STX8: variants seen among roughly 807,000 people sequenced by gnomAD.
STX8 encodes syntaxin-8.
In STX8, 23 loss-of-function variants were observed where a neutral mutation model predicts 37.5. That is an observed-to-expected ratio of 0.61 (90% CI 0.44 to 0.87). The LOEUF (loss-of-function observed/expected upper bound fraction) is 0.87. STX8 is among the 40% of genes least tolerant of loss of function. The probability of loss-of-function intolerance (pLI) is 0.00; values close to 1 mark genes in which losing one functional copy is unlikely to be tolerated. For synonymous variants in STX8, 115 were observed against 99.1 expected, an observed-to-expected ratio of 1.16 and a Z score of -0.95; for missense variants, 313 against 284.7, an observed-to-expected ratio of 1.10 and a Z score of -0.71.
chr17:9,403,958 T>C (rs1249127716), intron 6 of STX8, among the ~76,000 whole-genome samples: 2 of 152,096 alleles, frequency 1.3e-5, no homozygotes, highest in East Asian at 3.9e-4. Flanking sequence ...CATACAACTC[T>C]TTTGACTCCC....
chr17:9,575,665 A>G, intron 1 of STX8, 127 bp downstream of exon 1: 1 of 1,179,178 alleles, frequency 8.5e-7, no homozygotes, highest in Non-Finnish European at 1.2e-6. Flanking sequence ...AGTAAAGGAA[A>G]GGTCTCGCTG....
At chr17:9,303,771 A>G (rs1333455911) in intron 7 of STX8, among the ~76,000 whole-genome samples, 2 of 152,152 alleles carry the variant, frequency 1.3e-5, no homozygotes, top group East Asian at 1.9e-4. Context: ...AAAAACATAC[A>G]CTTCACACCA....
chr17:9,493,287 T>A (rs1253734105), intron 5 of STX8, among the ~76,000 whole-genome samples: 1 of 152,048 alleles, frequency 6.6e-6, no homozygotes, highest in East Asian at 1.9e-4. Flanking sequence ...AATTTGAAAA[T>A]TTTTTAAAAA....
intron 4 of STX8, among the ~76,000 whole-genome samples, chr17:9,538,937 G>A (rs998339952): frequency 4.6e-5 from 7 of 152,108 alleles, no homozygotes; most frequent in Admixed American, 2.0e-4. Context: ...TATAAAGGGC[G>A]GGAGGGTTTT....
intron 6 of STX8, among the ~76,000 whole-genome samples, chr17:9,442,523 C>T (rs1169228431): frequency 2.0e-5 from 3 of 152,210 alleles, no homozygotes; most frequent in Non-Finnish European, 4.4e-5. Context: ...TCTCCTGCCT[C>T]AGCCTCTCAA....
intron 2 of STX8, among the ~76,000 whole-genome samples, chr17:9,562,273 G>A (rs888856585): frequency 2.0e-5 from 3 of 151,984 alleles, no homozygotes; most frequent in Non-Finnish European, 4.4e-5. Context: ...GGGCATGGTG[G>A]CGGGCGCCTG....
intron 7 of STX8, among the ~76,000 whole-genome samples, chr17:9,287,074 C>T (rs919913456): frequency 6.6e-6 from 1 of 152,132 alleles, no homozygotes; most frequent in Admixed American, 6.6e-5. Context: ...TCCCCAAACT[C>T]TACTAGTGGG....
chr17:9,560,269 G>A (rs968808466), intron 2 of STX8, among the ~76,000 whole-genome samples: 8 of 151,282 alleles, frequency 5.3e-5, no homozygotes, highest in African/African-American at 1.2e-4. Flanking sequence ...ATGGTGGTGC[G>A]CACCTGTAAT....
At chr17:9,471,764 C>T (rs1010026988) in intron 6 of STX8, among the ~76,000 whole-genome samples, 5 of 152,126 alleles carry the variant, frequency 3.3e-5, no homozygotes, top group African/African-American at 1.2e-4. Context: ...ATTCTGTGCA[C>T]CCTGTGGGAT....
chr17:9,282,778 TC>T (rs1907936599), intron 7 of STX8, among the ~76,000 whole-genome samples: 2 of 152,218 alleles, frequency 1.3e-5, no homozygotes, highest in Non-Finnish European at 2.9e-5. Flanking sequence ...ATTGAGATTC[TC>T]CTGCTCACCT....
chr17:9,338,994 C>T (rs1910236539), intron 7 of STX8, among the ~76,000 whole-genome samples: 1 of 150,256 alleles, frequency 6.7e-6, no homozygotes, highest in Non-Finnish European at 1.5e-5. Context: ...TGGCGTGAAC[C>T]CGGGAAGCGG....
At position 9,568,393 on chromosome 17, in the gene STX8, C is replaced by T. The variant is rs776964201; in HGVS notation, c.95G>A (p.Arg32Lys). 5.0e-6 allele frequency: 8 copies of T among 1,611,710 alleles called. No homozygotes were observed. The highest frequency in any genetic ancestry group is 1.1e-5 in the South Asian group (1 of 90,924). ...TACCTTTGGTGCCTTTTCACCTTTT[C>T]TTTCATATTGATTTCGTTGTTGAAT... ...EKIQQRNQYE[R>K]KGEKAPKLTV... The change falls in exon 2 of 8, where the codon AGA becomes AAA. Residue 32 changes from arginine to lysine, a missense_variant. By Grantham distance (26) the Arg-to-Lys change is conservative. Coordinates refer to ENST00000306357, the MANE Select transcript of STX8 (RefSeq NM_004853.3).
rs58274911 is a variant in STX8, at chr17:9,308,202, G to A, written c.644-57557C>T. 9.2e-3 allele frequency among the ~76,000 whole-genome samples: 1,407 copies of A among 152,300 alleles called. 20 individuals are homozygous for A. Among genetic ancestry groups the A allele is most frequent in the African/African-American group, 0.032 (1,337 of 41,560 alleles). ...GTAATAGACTGAGTGGGGAAACCCC[G>A]CAGGACCTGTCTGCTCAGATTCCTC... On this transcript the variant is annotated intron_variant, in intron 7 of 7. Transcript: ENST00000306357.
intron 7 of STX8, among the ~76,000 whole-genome samples, chr17:9,376,366 T>C (rs1911585684): frequency 1.3e-5 from 2 of 152,158 alleles, no homozygotes. Flanking sequence ...CAGTGCTCTG[T>C]GTCTAGCTTA....
intron 4 of STX8, among the ~76,000 whole-genome samples, chr17:9,532,896 C>T (rs932922178): frequency 2.0e-4 from 30 of 151,222 alleles, no homozygotes; most frequent in Non-Finnish European, 4.3e-4. Flanking sequence ...TACTGTGAAG[C>T]AAAAAAAAGA....
chr17:9,263,608 T>G (rs1353002180), intron 7 of STX8, among the ~76,000 whole-genome samples: 1 of 152,214 alleles, frequency 6.6e-6, no homozygotes, highest in Non-Finnish European at 1.5e-5. Context: ...CTTAATTTGT[T>G]CAAAAGATAC....
intron 6 of STX8, among the ~76,000 whole-genome samples, chr17:9,386,273 G>C (rs545358787): frequency 6.6e-6 from 1 of 152,166 alleles, no homozygotes; most frequent in African/African-American, 2.4e-5. Context: ...AGCTACTCAT[G>C]CATGCCACAA....
At chr17:9,263,300 A>T (rs1233128909) in intron 7 of STX8, among the ~76,000 whole-genome samples, 1 of 152,106 alleles carries the variant, frequency 6.6e-6, no homozygotes, top group African/African-American at 2.4e-5. Context: ...AAAATGGAGA[A>T]ACCCCATCCT....
intron 4 of STX8, among the ~76,000 whole-genome samples, chr17:9,529,597 C>T (rs1256165518): frequency 6.6e-6 from 1 of 152,182 alleles, no homozygotes; most frequent in Non-Finnish European, 1.5e-5. Flanking sequence ...AAGGGAACCG[C>T]TTTCGTGATT....
Sources: allele counts gnomAD v4.1 joint callset (sites outside exome capture counted in the v4.1 genomes callset), GRCh38; gene constraint gnomAD v4.1.1; transcripts MANE v1.5; gene names NCBI Gene and HGNC (gene_info 2026-07-23, HGNC 2026-07-21).